Variants in KCTD19 observed in about 807,000 individuals in gnomAD.
KCTD19 encodes the protein potassium channel tetramerization domain containing 19, also known as BTB/POZ domain-containing protein KCTD19.
Under a neutral mutation model 103.5 loss-of-function variants are expected in KCTD19, and 67 were observed. The ratio of observed to expected loss-of-function variants is 0.65; its 90% CI spans 0.53 to 0.79. The LOEUF is 0.79. Among genes scored for constraint, KCTD19 ranks in the 30% least tolerant of loss-of-function variants. The pLI is 0.00. For synonymous variants in KCTD19, 439 were observed against 452.2 expected, an observed-to-expected ratio of 0.97 and a Z score of 0.37; for missense variants, 980 against 1,136.1, an observed-to-expected ratio of 0.86 and a Z score of 1.98.
Position 67,299,536 on chromosome 16 carries a change from G to A in KCTD19, c.813C>T (p.Pro271=), listed in dbSNP as rs369409867. 1.7e-5 allele frequency: 27 copies of A among 1,613,718 alleles called. No individual in the cohort carries two copies. The highest frequency in any genetic ancestry group is 7.7e-5 in the South Asian group (7 of 91,084). The change falls in exon 6 of 16, where the codon CCC becomes CCT. Residue 271 remains proline, a synonymous_variant. Transcript: ENST00000304372. ...GGCTGGCTGTGCGGGCCCCCTTCCC[G>A]GGGCTCAGGGGAGAACAGGTGGTCG... is the stretch of plus-strand genomic sequence containing the variant. ...CSPTTCSPLS[P]GKGARTASLE... is the part of the protein sequence containing the mutation.
At chr16:67,319,382 C>T (rs1010598505) in intron 2 of KCTD19, among the ~76,000 whole-genome samples, 2 of 152,088 alleles carry the variant, frequency 1.3e-5, no homozygotes, top group African/African-American at 2.4e-5. Flanking sequence ...CAATTTTCTT[C>T]TAAAAAGTGT....
chr16:67,313,978 T>A (rs1394421128), intron 2 of KCTD19, among the ~76,000 whole-genome samples: 1 of 152,106 alleles, frequency 6.6e-6, no homozygotes, highest in East Asian at 1.9e-4. Flanking sequence ...GGCTTCAGCC[T>A]TCTGAGTAGC....
In KCTD19 at chr16:67,296,262, A is replaced by G. The variant is rs949079007; in HGVS notation, c.1148-3T>C. 8.2e-6 allele frequency: 13 copies of G among 1,592,016 alleles called. No individual in the cohort carries two copies. The highest frequency in any genetic ancestry group is 5.4e-5 in the African/African-American group (4 of 74,496). ...AGTGATCTCTGCCGTCCACTCATCT[A>G]TGGGAATCCAGGAGATAGAACACAT... On this transcript the variant is annotated splice_polypyrimidine_tract_variant and splice_region_variant and intron_variant, in intron 7 of 15. Coordinates refer to ENST00000304372, the MANE Select transcript of KCTD19 (RefSeq NM_001100915.3).
chr16:67,305,577 G>A (rs756680832), intron 2 of KCTD19: 158 of 455,588 alleles, frequency 3.5e-4, no homozygotes, highest in South Asian at 1.8e-3. Flanking sequence ...TCTTCGTGCC[G>A]CCCTTACCCA....
intron 2 of KCTD19, among the ~76,000 whole-genome samples, chr16:67,311,862 A>G (rs1309410267): frequency 6.6e-6 from 1 of 152,176 alleles, no homozygotes; most frequent in East Asian, 1.9e-4. Context: ...TGAGTCATCC[A>G]CTTACCCACA....
rs1162445661 is a variant in KCTD19 at position 67,299,553 on chromosome 16, A to C, written c.796T>G (p.Cys266Gly). Residue 266 changes from cysteine (C) to glycine (G), a missense_variant, in exon 6 of 16, where the codon TGT becomes GGT. Cys to Gly is a radical substitution (Grantham distance 159). Transcript: ENST00000304372. ...MNMGGCSPTT[C>G]SPLSPGKGAR... ...CCCTTCCCGGGGCTCAGGGGAGAAC[A>C]GGTGGTCGGGGAACAGCCACCTGTG... 1 of 1,612,940 alleles carries C rather than the reference A, an allele frequency of 6.2e-7. No individual in the cohort carries two copies. The highest frequency in any genetic ancestry group is 2.2e-5 in the East Asian group (1 of 44,884).
intron 7 of KCTD19, among the ~76,000 whole-genome samples, chr16:67,296,831 G>T (rs2036770573): frequency 6.6e-6 from 1 of 151,880 alleles, no homozygotes; most frequent in Non-Finnish European, 1.5e-5. Flanking sequence ...AATGAATGAA[G>T]GGTATATAAC....
At chr16:67,290,857 A>G in intron 15 of KCTD19, 28 bp downstream of exon 15, 1 of 1,587,402 alleles carries the variant, frequency 6.3e-7, no homozygotes, top group Non-Finnish European at 8.6e-7. Context: ...GGGTCGGTGG[A>G]TTCCCAGGGA....
In KCTD19 at chr16:67,299,681, A is replaced by G. The variant is rs1314666956; in HGVS notation, c.776-108T>C. The G allele has an allele frequency of 4.8e-6, 4 of 838,210 alleles. No homozygotes were observed. The Admixed American group carries it at 7.8e-5, about 16-fold the overall frequency. 51.9% of individuals were successfully genotyped at this position (838,210 alleles called of 1,614,324 possible). ...TGCCTCCATTGTACCGAGGAGGCTC[A>G]GAGGAAGGATATTTCTTTGCACAGT... On this transcript the variant is annotated intron_variant, in intron 5 of 15. Transcript: ENST00000304372.
intron 2 of KCTD19, among the ~76,000 whole-genome samples, chr16:67,318,378 A>G (rs998620651): frequency 6.6e-6 from 1 of 152,084 alleles, no homozygotes; most frequent in Admixed American, 6.5e-5. Flanking sequence ...CCTGGCCAAC[A>G]TGGTGAAACC....
rs939644328 is a variant in KCTD19, at chr16:67,289,784, C to G, written c.2668-102G>C. Reference sequence around the variant, plus strand: ...CATTGGGGCAGGGACAGGGCAAGCCCGGCTGTTGGGGACTTTTGATGCTCT... The same window carrying G: ...CATTGGGGCAGGGACAGGGCAAGCCGGGCTGTTGGGGACTTTTGATGCTCT... On this transcript the variant is annotated intron_variant, in intron 15 of 15. Coordinates refer to ENST00000304372, the MANE Select transcript of KCTD19 (RefSeq NM_001100915.3). The G allele has an allele frequency of 7.6e-6, 6 of 785,734 alleles. No individual in the cohort carries two copies. In the African/African-American group the frequency reaches 1.0e-4, roughly 14 times the overall value. The allele number at this position is 785,734 out of a possible 1,614,324, so 48.7% of individuals were successfully genotyped here.
chr16:67,294,986 A>G lies in KCTD19; in HGVS notation c.1462T>C (p.Cys488Arg), dbSNP rs749689690. 6.2e-7 allele frequency: 1 copy of G among 1,613,312 alleles called. No individual in the cohort carries two copies. The highest frequency in any genetic ancestry group is 8.5e-7 in the Non-Finnish European group (1 of 1,179,228). The stretch of plus-strand genomic sequence containing the variant: ...AAGTTTTCTTACTTGTATGCTTCAC[A>G]TTGTGCAAGGGCTTCTGAGAGGGAT... Reference protein sequence around the residue: ...IPSLSEALAQCEAYKSWTQEK... With the variant: ...IPSLSEALAQREAYKSWTQEK... Residue 488 changes from cysteine to arginine, a missense_variant, in exon 10 of 16, where the codon TGT (cysteine) becomes CGT (arginine). Physicochemically the swap from Cys to Arg is radical, Grantham distance 180 (BLOSUM62 -3). Coordinates refer to ENST00000304372, the MANE Select transcript of KCTD19 (RefSeq NM_001100915.3).
chr16:67,295,431 A>G, intron 8 of KCTD19, 26 bp from the exon 9 acceptor site: 1 of 1,600,152 alleles, frequency 6.2e-7, no homozygotes, highest in Non-Finnish European at 8.5e-7. Flanking sequence ...CACCGGACTC[A>G]GTCTCAGAGG....
intron 2 of KCTD19, 152 bp from the exon 3 acceptor site, chr16:67,304,723 G>C: frequency 1.6e-6 from 1 of 627,758 alleles, no homozygotes; most frequent in African/African-American, 1.8e-5. Flanking sequence ...GAGTGCAGTG[G>C]TGCGATCTCA....
chr16:67,291,132 C>T (rs906553742), intron 14 of KCTD19, 146 bp from the exon 15 acceptor site: 2 of 1,188,344 alleles, frequency 1.7e-6, no homozygotes, highest in Admixed American at 4.4e-5. Context: ...TTGGCCGAGG[C>T]TCAGTCCAGG....
At chr16:67,307,560 C>A (rs554708339) in intron 2 of KCTD19, among the ~76,000 whole-genome samples, 21 of 152,146 alleles carry the variant, frequency 1.4e-4, no homozygotes, top group Non-Finnish European at 1.5e-5. Flanking sequence ...AAGTGATCGG[C>A]CTGCTTCAGC....
intron 2 of KCTD19, among the ~76,000 whole-genome samples, chr16:67,308,696 A>G (rs925210669): frequency 6.6e-6 from 1 of 151,870 alleles, no homozygotes; most frequent in African/African-American, 2.4e-5. Context: ...ACAGACACTC[A>G]ACACTTTCAC....
In KCTD19 at chr16:67,299,343, T is replaced by C. The variant is rs1159500887; in HGVS notation, c.986+20A>G. On this transcript the variant is annotated intron_variant, in intron 6 of 15. Transcript: ENST00000304372. ...GAGCCAAGGGTGATGGGACTCAGTG[T>C]GCCCTAAGGAGGACCTCACTTGACG... The C allele has an allele frequency of 1.9e-6, 3 of 1,610,820 alleles. No individual in the cohort carries two copies. The Admixed American group carries it at 5.0e-5, about 27-fold the overall frequency.
chr16:67,293,641 C>CACTCCA lies in KCTD19; in HGVS notation c.2120_2121insTGGAGT (p.Ala707_Lys708insGlyVal). The CACTCCA allele has an allele frequency of 6.2e-7, 1 of 1,613,984 alleles. No homozygotes were observed. Among genetic ancestry groups the CACTCCA allele is most frequent in the Non-Finnish European group, 8.5e-7 (1 of 1,180,026 alleles). On this transcript the variant is annotated inframe_insertion, in exon 12 of 16. Transcript: ENST00000304372. This position sits in a 1 kb window ranked among gnomAD's most constrained non-coding sequence, Gnocchi z 4.0. ...AGGTTGGCTCTGGCCCCTTGTCTTT[C>CACTCCA]GCTCCAGCTCCAGCCCCTGCCTGTG...
Sources: allele counts gnomAD v4.1 joint callset (sites outside exome capture counted in the v4.1 genomes callset), GRCh38; gene constraint gnomAD v4.1.1; non-coding constraint Gnocchi (gnomAD v3.1); transcripts MANE v1.5; gene names NCBI Gene and HGNC (gene_info 2026-07-23, HGNC 2026-07-21).